MED12L: variants seen among roughly 807,000 people sequenced by gnomAD.
MED12L encodes mediator complex subunit 12L.
Under a neutral mutation model 281.3 loss-of-function variants are expected in MED12L, and 60 were observed. The observed-to-expected ratio is 0.21, with a 90% CI of 0.17 to 0.26. MED12L has a LOEUF of 0.26. Ranked by LOEUF, MED12L falls within the 10% of genes least tolerant of loss-of-function variation. The pLI is 1.00. For synonymous variants in MED12L, 974 were observed against 987.2 expected, an observed-to-expected ratio of 0.99 and a Z score of 0.25; for missense variants, 2,146 against 2,680.9, an observed-to-expected ratio of 0.80 and a Z score of 4.41.
intron 43 of MED12L, among the ~76,000 whole-genome samples, chr3:151,416,657 C>G (rs780767887): frequency 6.6e-6 from 1 of 152,140 alleles, no homozygotes; most frequent in Non-Finnish European, 1.5e-5. Flanking sequence ...CAAAATTTTT[C>G]GGACTGTTCC....
At chr3:151,272,968 CTTT>C (rs1655324116) in intron 16 of MED12L, among the ~76,000 whole-genome samples, 1 of 152,094 alleles carries the variant, frequency 6.6e-6, no homozygotes, top group East Asian at 1.9e-4. Flanking sequence ...ATATCCGAAA[CTTT>C]TTGAGGGCTG....
intron 5 of MED12L, among the ~76,000 whole-genome samples, chr3:151,146,148 T>C (rs1490578677): frequency 5.3e-5 from 8 of 152,226 alleles, no homozygotes; most frequent in Admixed American, 5.2e-4. Context: ...CCTCTGGAGT[T>C]GAAATCCCTG....
At position 151,435,145 on chromosome 3, in the gene MED12L, C is replaced by CCTGGTA. The variant is rs1719992597; in HGVS notation, c.*2344_*2349dup. 1 of 149,506 alleles carries CCTGGTA rather than the reference C, an allele frequency of 6.7e-6. No individual in the cohort carries two copies. The highest frequency in any genetic ancestry group is 6.7e-5 in the Admixed American group (1 of 14,888). The allele number at this position is 149,506 out of a possible 1,614,324, so 9.3% of individuals were successfully genotyped here. On this transcript the variant is annotated 3_prime_UTR_variant, in exon 45 of 45. Coordinates refer to ENST00000687756, the MANE Select transcript of MED12L (RefSeq NM_001393769.1). Reference sequence around the variant, plus strand: ...CACAAGGTAAAGCCCTGTGGCAGAACCTGGTACTTTACCTTACCAGAGGAA... The same window carrying CCTGGTA: ...CACAAGGTAAAGCCCTGTGGCAGAACCTGGTACTGGTACTTTACCTTACCAGAGGAA...
At chr3:151,213,184 G>A in intron 16 of MED12L, 1 of 758,704 alleles carries the variant, frequency 1.3e-6, no homozygotes. Flanking sequence ...GAACTAAATT[G>A]GATGGCAGTG....
intron 16 of MED12L, among the ~76,000 whole-genome samples, chr3:151,286,738 A>G (rs1411016535): frequency 2.0e-5 from 3 of 152,204 alleles, no homozygotes; most frequent in Non-Finnish European, 4.4e-5. Flanking sequence ...GTTTGCCTAC[A>G]CAGTCCCAGT....
At chr3:151,166,591 T>A (rs1481232495) in intron 11 of MED12L, among the ~76,000 whole-genome samples, 1 of 152,002 alleles carries the variant, frequency 6.6e-6, no homozygotes. Flanking sequence ...CAGGGCAGGC[T>A]GGAGACTCAA....
rs867843907 is a variant in MED12L, at chr3:151,432,893, C to T, written c.*89C>T. 1.3e-5 allele frequency: 12 copies of T among 946,590 alleles called. No individual in the cohort carries two copies. In the Middle Eastern group the frequency reaches 1.8e-3, roughly 139 times the overall value. 58.6% of individuals were successfully genotyped at this position (946,590 alleles called of 1,614,324 possible). On this transcript the variant is annotated 3_prime_UTR_variant, in exon 45 of 45. Coordinates refer to ENST00000687756, the MANE Select transcript of MED12L (RefSeq NM_001393769.1). ...TGCATTAGTCATCTTAAAAATGTCC[C>T]TTTTTTTCATTTCTTTGACATTTTA... is the stretch of plus-strand genomic sequence containing the variant.
chr3:151,155,806 T>G (rs1166240157), intron 5 of MED12L, among the ~76,000 whole-genome samples: 1 of 152,222 alleles, frequency 6.6e-6, no homozygotes, highest in African/African-American at 2.4e-5. Context: ...TTGCCTTTGT[T>G]TTTTTGATAT....
Position 151,365,953 on chromosome 3 carries a change from C to A in MED12L, c.3289C>A (p.His1097Asn). 6.2e-7 allele frequency: 1 copy of A among 1,612,978 alleles called. No individual in the cohort carries two copies. Among genetic ancestry groups the A allele is most frequent in the Non-Finnish European group, 8.5e-7 (1 of 1,179,284 alleles). Reference protein sequence around the residue: ...VLKALCCSSNHVWGFNDVLCT... With the variant: ...VLKALCCSSNNVWGFNDVLCT... ...GAAGGCTCTTTGTTGTTCTTCAAAT[C>A]ACGTGTGGGGGTTTAATGATGTACT... The change falls in exon 23 of 45, where the codon CAC (histidine) becomes AAC (asparagine). Residue 1097 changes from histidine (H) to asparagine (N), a missense_variant. This residue lies in a region of MED12L where 404 missense variants were observed against 603.5 expected (regional missense o/e 0.67). Coordinates refer to ENST00000687756, the MANE Select transcript of MED12L (RefSeq NM_001393769.1).
chr3:151,394,741 C>A lies in MED12L; in HGVS notation c.5694C>A (p.Gly1898=), dbSNP rs112306093. 1.1e-5 allele frequency: 18 copies of A among 1,614,164 alleles called. No individual in the cohort carries two copies. The African/African-American group carries it at 1.6e-4, about 14-fold the overall frequency. Residue 1898 remains glycine, a synonymous_variant, in exon 39 of 45, where the codon GGC becomes GGA. Coordinates refer to ENST00000687756, the MANE Select transcript of MED12L (RefSeq NM_001393769.1). ...ALSNMLQRRS[G]AMMQPPSLHA... ...CAAACATGCTACAGCGGCGCTCAGG[C>A]GCCATGATGCAGCCGCCTTCTCTTC...
At chr3:151,395,018 A>G (rs1217974614) in intron 39 of MED12L, 151 bp downstream of exon 39, 2 of 1,018,018 alleles carry the variant, frequency 2.0e-6, no homozygotes, top group East Asian at 5.1e-5. Flanking sequence ...AGGCTTGTAA[A>G]TAGTTTTCCT....
chr3:151,379,767 G>A (rs59719955), intron 31 of MED12L, among the ~76,000 whole-genome samples: 7,613 of 152,208 alleles, frequency 0.05, 647 homozygotes, highest in African/African-American at 0.17. Context: ...TTTATCCTGT[G>A]TATAAATTGA....
intron 16 of MED12L, among the ~76,000 whole-genome samples, chr3:151,276,716 T>G (rs899750209): frequency 6.6e-6 from 1 of 152,176 alleles, no homozygotes; most frequent in African/African-American, 2.4e-5. Flanking sequence ...TTCAGCACTT[T>G]AGAAGCATCA....
intron 16 of MED12L, among the ~76,000 whole-genome samples, chr3:151,207,795 C>T (rs186958624): frequency 6.6e-6 from 1 of 152,236 alleles, no homozygotes; most frequent in Admixed American, 6.5e-5. Context: ...CTGAGAACCA[C>T]TGCAGAAGTA....
intron 16 of MED12L, among the ~76,000 whole-genome samples, chr3:151,205,880 T>C (rs1726277858): frequency 6.6e-6 from 1 of 152,088 alleles, no homozygotes; most frequent in African/African-American, 2.4e-5. Context: ...GGTAGAACAG[T>C]GTACCACTGT....
At chr3:151,094,960 T>A (rs906538293) in intron 2 of MED12L, among the ~76,000 whole-genome samples, 2 of 152,198 alleles carry the variant, frequency 1.3e-5, no homozygotes, top group African/African-American at 2.4e-5. Flanking sequence ...GAAGCATTTA[T>A]GTACCTGCGA....
At chr3:151,408,426 CAGT>C (rs1289581495) in intron 39 of MED12L, among the ~76,000 whole-genome samples, 1 of 152,008 alleles carries the variant, frequency 6.6e-6, no homozygotes, top group East Asian at 1.9e-4. Flanking sequence ...CTGTTAAAGA[CAGT>C]AGTAAAATAA....
rs759323673 is a variant in MED12L at position 151,185,412 on chromosome 3, T to A, written c.1577T>A (p.Met526Lys). 8 of 1,614,008 alleles carry A rather than the reference T, an allele frequency of 5.0e-6. No homozygotes were observed. The highest frequency in any genetic ancestry group is 6.8e-6 in the Non-Finnish European group (8 of 1,179,982). Reference sequence around the variant, plus strand: ...AAACGGTCTGGCAAGCACAGGGCCATGGCTGTGGCAAAACTCCTGGAGAAG... The same window carrying A: ...AAACGGTCTGGCAAGCACAGGGCCAAGGCTGTGGCAAAACTCCTGGAGAAG... Reference protein sequence around the residue: ...SCKRSGKHRAMAVAKLLEKRQ... With the variant: ...SCKRSGKHRAKAVAKLLEKRQ... Residue 526 changes from methionine (M) to lysine (K), a missense_variant, in exon 12 of 45, where the codon ATG (methionine) becomes AAG (lysine). Physicochemically the swap from Met to Lys is moderately conservative, Grantham distance 95. This residue lies in a region of MED12L where 722 missense variants were observed against 861.2 expected (regional missense o/e 0.84). Transcript: ENST00000687756.
chr3:151,338,172 C>A, intron 16 of MED12L: 1 of 1,614,026 alleles, frequency 6.2e-7, no homozygotes, highest in Non-Finnish European at 8.5e-7. Flanking sequence ...TTTACCTACA[C>A]CCCTCGTTCT....
Sources: gnomAD v4.1 joint callset for allele counts (sites outside exome capture counted in the v4.1 genomes callset) on GRCh38, gnomAD v4.1.1 for gene constraint, gnomAD v4.1.1 regional missense constraint, MANE v1.5 for transcripts, NCBI Gene and HGNC (gene_info 2026-07-23, HGNC 2026-07-21) for gene names.